ZNF804B: variants seen among roughly 807,000 people sequenced by gnomAD.
ZNF804B encodes zinc finger protein 804B, also known as zinc finger 804B.
In ZNF804B, 80 loss-of-function variants were observed where a neutral mutation model predicts 101.4. The ratio of observed to expected loss-of-function variants is 0.79; its 90% CI spans 0.66 to 0.95. The LOEUF is 0.95. ZNF804B is among the 40% of genes least tolerant of loss of function. ZNF804B has a pLI of 0.00. For synonymous variants in ZNF804B, 622 were observed against 558.8 expected (o/e 1.11, Z -1.59); for missense variants, 1,673 against 1,561.9 (o/e 1.07, Z -1.20).
chr7:89,338,262 C>T lies in ZNF804B; in HGVS notation c.*1230C>T, dbSNP rs1055811920. 3.9e-5 allele frequency among the ~76,000 whole-genome samples: 6 copies of T among 152,046 alleles called. No homozygotes were observed. The highest frequency in any genetic ancestry group is 2.0e-4 in the Admixed American group (3 of 15,260). On this transcript the variant is annotated 3_prime_UTR_variant, in exon 4 of 4. Coordinates refer to ENST00000333190, the MANE Select transcript of ZNF804B (RefSeq NM_181646.5). ...CTATACGAAGATGCAAACTCCTCTA[C>T]CACTAGAAGATTAGAGGATGTCTTC...
intron 1 of ZNF804B, among the ~76,000 whole-genome samples, chr7:89,076,726 G>A (rs930875106): frequency 3.9e-5 from 6 of 152,126 alleles, no homozygotes; most frequent in Admixed American, 2.0e-4. Context: ...CTAGTAGAGT[G>A]ATGTTATACC....
chr7:89,186,056 A>G (rs1037189572), intron 1 of ZNF804B, among the ~76,000 whole-genome samples: 4 of 152,134 alleles, frequency 2.6e-5, no homozygotes, highest in Non-Finnish European at 5.9e-5. Flanking sequence ...ATACTTATAT[A>G]GTGAAAAGTT....
chr7:89,162,205 A>G (rs1791076730), intron 1 of ZNF804B, among the ~76,000 whole-genome samples: 2 of 152,170 alleles, frequency 1.3e-5, no homozygotes, highest in Non-Finnish European at 2.9e-5. Flanking sequence ...ATAGATACAC[A>G]TCTCCCTAGC....
At chr7:89,024,109 A>G (rs1788709241) in intron 1 of ZNF804B, among the ~76,000 whole-genome samples, 1 of 152,200 alleles carries the variant, frequency 6.6e-6, no homozygotes, top group South Asian at 2.1e-4. Flanking sequence ...GTGATTTTGC[A>G]GAGCTCTCAT....
chr7:88,968,779 A>C (rs147865269), intron 1 of ZNF804B, among the ~76,000 whole-genome samples: 3 of 151,662 alleles, frequency 2.0e-5, no homozygotes, highest in African/African-American at 7.3e-5. Flanking sequence ...ATCAAGAGTT[A>C]TAAAAAGAAG....
chr7:88,905,481 C>T (rs1483367215), intron 1 of ZNF804B, among the ~76,000 whole-genome samples: 2 of 152,076 alleles, frequency 1.3e-5, no homozygotes, highest in Non-Finnish European at 2.9e-5. Context: ...CCTCAACCTC[C>T]CAAATGTCTG....
chr7:88,854,527 T>TTTCCTTTCCTTCCCTTCCCTTCCCTTCC (rs1791519535), intron 1 of ZNF804B, among the ~76,000 whole-genome samples: 4 of 40,074 alleles, frequency 1.0e-4, no homozygotes, highest in South Asian at 1.1e-3. Flanking sequence ...CTTTCCTTCC[T>TTTCCTTTCCTTCCCTTCCCTTCCCTTCC]TTCCTTCCTT....
chr7:88,887,637 T>TA (rs1792148290), intron 1 of ZNF804B, among the ~76,000 whole-genome samples: 1 of 152,078 alleles, frequency 6.6e-6, no homozygotes, highest in Admixed American at 6.6e-5. Flanking sequence ...AACCACTTTT[T>TA]AAAAAATAAT....
chr7:89,042,718 A>T (rs1198636677), intron 1 of ZNF804B, among the ~76,000 whole-genome samples: 1 of 152,184 alleles, frequency 6.6e-6, no homozygotes, highest in African/African-American at 2.4e-5. Flanking sequence ...TACTCCTTGA[A>T]TTCTTCATCT....
intron 1 of ZNF804B, among the ~76,000 whole-genome samples, chr7:89,120,671 A>AAAAAAG: frequency 6.6e-6 from 1 of 151,776 alleles, no homozygotes; most frequent in African/African-American, 2.4e-5. Context: ...AAAAAAAAAA[A>AAAAAAG]AAATTAAAAA....
At chr7:89,233,948 T>A (rs1450315243) in intron 2 of ZNF804B, among the ~76,000 whole-genome samples, 1 of 152,210 alleles carries the variant, frequency 6.6e-6, no homozygotes, top group Non-Finnish European at 1.5e-5. Flanking sequence ...AGTAGTTTTG[T>A]GTCTACTCCA....
At chr7:88,763,808 C>G (rs576191012) in intron 1 of ZNF804B, among the ~76,000 whole-genome samples, 60 of 151,960 alleles carry the variant, frequency 3.9e-4, no homozygotes, top group Non-Finnish European at 7.8e-4. Flanking sequence ...TGTGCTCAAG[C>G]CAAAGAAGTT....
At chr7:88,899,264 T>C (rs1476288660) in intron 1 of ZNF804B, among the ~76,000 whole-genome samples, 2 of 152,020 alleles carry the variant, frequency 1.3e-5, no homozygotes, top group Non-Finnish European at 2.9e-5. Context: ...TCAAGAAGAG[T>C]AGCTAAAATA....
intron 1 of ZNF804B, among the ~76,000 whole-genome samples, chr7:88,898,286 C>A (rs1484968943): frequency 1.3e-5 from 2 of 151,846 alleles, no homozygotes; most frequent in South Asian, 2.1e-4. Flanking sequence ...CGGGGTTTCA[C>A]CCTGTTCGCA....
chr7:89,024,398 A>G (rs938013047), intron 1 of ZNF804B, among the ~76,000 whole-genome samples: 1 of 151,960 alleles, frequency 6.6e-6, no homozygotes, highest in Non-Finnish European at 1.5e-5. Context: ...CCTTCCTTTT[A>G]TATGTCATGA....
intron 1 of ZNF804B, among the ~76,000 whole-genome samples, chr7:89,195,187 C>T (rs1469382133): frequency 1.5e-4 from 22 of 149,604 alleles, no homozygotes; most frequent in Non-Finnish European, 1.0e-4. Context: ...TGGGACATAT[C>T]TCAAAATAAT....
chr7:88,983,411 C>T (rs187959175), intron 1 of ZNF804B, among the ~76,000 whole-genome samples: 137 of 151,962 alleles, frequency 9.0e-4, no homozygotes, highest in African/African-American at 3.1e-3. Flanking sequence ...TAGGATGGAC[C>T]CTGATAATTT....
intron 2 of ZNF804B, among the ~76,000 whole-genome samples, chr7:89,300,329 T>A (rs899600416): frequency 1.3e-5 from 2 of 151,862 alleles, no homozygotes; most frequent in Non-Finnish European, 1.5e-5. Context: ...ATAAATGTCC[T>A]TCTCTTCCAT....
chr7:88,948,508 AGAG>A (rs1218316045), intron 1 of ZNF804B, among the ~76,000 whole-genome samples: 1 of 151,810 alleles, frequency 6.6e-6, no homozygotes, highest in African/African-American at 2.4e-5. Context: ...CAGTATAAGA[AGAG>A]GAGAAGAATC....
Sources: gnomAD v4.1 joint callset for allele counts (sites outside exome capture counted in the v4.1 genomes callset) on GRCh38, gnomAD v4.1.1 for gene constraint, MANE v1.5 for transcripts, NCBI Gene and HGNC (gene_info 2026-07-23, HGNC 2026-07-21) for gene names.